CAMK1D: variants seen among roughly 807,000 people sequenced by gnomAD.
The protein encoded by CAMK1D is calcium/calmodulin-dependent protein kinase type 1D.
CAMK1D carries 9 observed loss-of-function variants against 47.7 expected under a neutral mutation model. That is an observed-to-expected ratio of 0.19 (90% confidence interval 0.11 to 0.33). The LOEUF is 0.33. CAMK1D is among the 10% of genes least tolerant of loss of function. CAMK1D has a pLI of 1.00. For missense variants in CAMK1D, 291 were observed against 488.7 expected (o/e 0.60, Z 3.81); for synonymous variants, 184 against 184.9 (o/e 0.99, Z 0.04).
intron 1 of CAMK1D, among the ~76,000 whole-genome samples, chr10:12,418,212 A>G (rs1342141306): frequency 6.6e-6 from 1 of 152,248 alleles, no homozygotes; most frequent in Admixed American, 6.5e-5. Flanking sequence ...GCCTCAGTCC[A>G]GCAGGTCAGA....
intron 1 of CAMK1D, among the ~76,000 whole-genome samples, chr10:12,508,534 T>C (rs970896822): frequency 2.6e-5 from 4 of 152,184 alleles, no homozygotes; most frequent in African/African-American, 9.7e-5. Flanking sequence ...ACAGTTCCCA[T>C]TGGGAAGATG....
Position 12,761,103 on chromosome 10 carries a change from G to A in CAMK1D, c.438+17G>A. On this transcript the variant is annotated intron_variant, in intron 4 of 10. Coordinates refer to ENST00000619168, the MANE Select transcript of CAMK1D (RefSeq NM_153498.4). ...GACCTCAAGGTGAGGCCATCGCTCAGCAGCATCCTGCAGCCACTCTGCAGC... is the reference window on the plus strand; with the variant it reads ...GACCTCAAGGTGAGGCCATCGCTCAACAGCATCCTGCAGCCACTCTGCAGC... The A allele has an allele frequency of 1.2e-6, 2 of 1,608,588 alleles. No individual in the cohort carries two copies. Among genetic ancestry groups the A allele is most frequent in the Middle Eastern group, 1.7e-4 (1 of 5,806 alleles).
intron 3 of CAMK1D, among the ~76,000 whole-genome samples, chr10:12,748,442 G>A (rs1835780474): frequency 6.6e-6 from 1 of 152,194 alleles, no homozygotes; most frequent in Admixed American, 6.5e-5. Flanking sequence ...GGGGGCACTG[G>A]CGTGTGACTC....
intron 6 of CAMK1D, among the ~76,000 whole-genome samples, chr10:12,805,793 C>T (rs1255561472): frequency 6.6e-6 from 1 of 152,224 alleles, no homozygotes; most frequent in Admixed American, 6.5e-5. Flanking sequence ...GAAACACAGG[C>T]ATTTAATGAC....
In CAMK1D at chr10:12,540,925, T is replaced by TG. The variant is rs544984328; in HGVS notation, c.93-12300_93-12299insG. ...TTAATGAGAACCTGAGTTATAGGTTTTTTTTTTTTTTTTTAAGAAAAAGAA... is the reference window on the plus strand; with the variant it reads ...TTAATGAGAACCTGAGTTATAGGTTTGTTTTTTTTTTTTTTAAGAAAAAGAA... On this transcript the variant is annotated intron_variant, in intron 1 of 10. Transcript: ENST00000619168. Among the ~76,000 whole-genome samples, 46 of 113,308 alleles carry TG rather than the reference T, an allele frequency of 4.1e-4. 1 individual carries two copies. Among genetic ancestry groups the TG allele is most frequent in the Non-Finnish European group, 2.0e-5 (1 of 51,152 alleles). The allele number at this position is 113,308 out of a possible 152,430, so 74.3% of individuals were successfully genotyped here. A position where few individuals can be genotyped will look rare whatever the true frequency, so the allele number is the denominator to read the frequency against.
intron 3 of CAMK1D, among the ~76,000 whole-genome samples, chr10:12,691,389 A>T (rs1588797777): frequency 1.4e-4 from 1 of 7,282 alleles, no homozygotes; most frequent in Admixed American, 1.9e-3. Flanking sequence ...ATATATATAT[A>T]TATATATATA....
intron 1 of CAMK1D, among the ~76,000 whole-genome samples, chr10:12,461,227 A>G (rs1833412282): frequency 6.6e-6 from 1 of 152,138 alleles, no homozygotes; most frequent in African/African-American, 2.4e-5. Flanking sequence ...GCACCTGGCC[A>G]CTCTGAGGAT....
At chr10:12,771,264 C>A (rs1837027339) in intron 5 of CAMK1D, among the ~76,000 whole-genome samples, 1 of 152,190 alleles carries the variant, frequency 6.6e-6, no homozygotes, top group Admixed American at 6.5e-5. Flanking sequence ...GTGCGGTGAC[C>A]TTTCTTCATG....
chr10:12,761,451 A>G (rs1836504532), intron 4 of CAMK1D, among the ~76,000 whole-genome samples: 1 of 152,146 alleles, frequency 6.6e-6, no homozygotes, highest in East Asian at 1.9e-4. Context: ...ACCTTTGCCA[A>G]TTCCAGCCCC....
At chr10:12,693,948 AAT>A (rs1833042827) in intron 3 of CAMK1D, among the ~76,000 whole-genome samples, 2 of 76,776 alleles carry the variant, frequency 2.6e-5, no homozygotes, top group Admixed American at 2.3e-4. Flanking sequence ...TAAAATATAT[AAT>A]ATATATTATA....
intron 8 of CAMK1D, among the ~76,000 whole-genome samples, chr10:12,819,698 A>G (rs762042278): frequency 2.0e-5 from 3 of 152,226 alleles, no homozygotes; most frequent in Non-Finnish European, 4.4e-5. Context: ...GGTCCCTGAC[A>G]TCTGTTAGGC....
chr10:12,592,920 C>G (rs1317290528), intron 2 of CAMK1D, among the ~76,000 whole-genome samples: 2 of 152,196 alleles, frequency 1.3e-5, no homozygotes, highest in Non-Finnish European at 2.9e-5. Context: ...CTGCCTGGCT[C>G]CCTCCTCTTC....
intron 1 of CAMK1D, among the ~76,000 whole-genome samples, chr10:12,375,311 T>G (rs1039847711): frequency 7.2e-5 from 11 of 152,244 alleles, no homozygotes; most frequent in Admixed American, 5.2e-4. Context: ...TCTAAATGTT[T>G]TTGTTACTGA....
At chr10:12,556,616 T>C (rs1305166122) in intron 2 of CAMK1D, among the ~76,000 whole-genome samples, 1 of 152,030 alleles carries the variant, frequency 6.6e-6, no homozygotes. Flanking sequence ...GAAAGGCTGG[T>C]GTGCTGGGGA....
At chr10:12,728,644 G>A (rs145884534) in intron 3 of CAMK1D, among the ~76,000 whole-genome samples, 69 of 152,318 alleles carry the variant, frequency 4.5e-4, no homozygotes, top group African/African-American at 1.5e-3. Flanking sequence ...ATGGCTTTGC[G>A]CTGTGGACAG....
At chr10:12,546,599 G>T (rs1346316533) in intron 1 of CAMK1D, among the ~76,000 whole-genome samples, 1 of 151,908 alleles carries the variant, frequency 6.6e-6, no homozygotes, top group East Asian at 1.9e-4. Flanking sequence ...AGAAAATGTG[G>T]CACATATACA....
At chr10:12,776,541 C>G (rs963812876) in intron 5 of CAMK1D, among the ~76,000 whole-genome samples, 2 of 152,238 alleles carry the variant, frequency 1.3e-5, no homozygotes, top group Non-Finnish European at 2.9e-5. Context: ...GGCTGGGTTC[C>G]TGTGAGCCTC....
At chr10:12,770,735 T>C (rs968153980) in intron 5 of CAMK1D, among the ~76,000 whole-genome samples, 1 of 151,920 alleles carries the variant, frequency 6.6e-6, no homozygotes, top group Non-Finnish European at 1.5e-5. Flanking sequence ...ACTTGGGCCT[T>C]GGTCTCAGTG....
chr10:12,663,384 C>T (rs1394535940), intron 2 of CAMK1D, among the ~76,000 whole-genome samples: 4 of 152,016 alleles, frequency 2.6e-5, no homozygotes, highest in East Asian at 1.9e-4. Context: ...GAATATAAAC[C>T]GTATTGTAGG....
Sources: gnomAD v4.1 joint callset for allele counts (sites outside exome capture counted in the v4.1 genomes callset) on GRCh38, gnomAD v4.1.1 for gene constraint, MANE v1.5 for transcripts, NCBI Gene and HGNC (gene_info 2026-07-23, HGNC 2026-07-21) for gene names.